The following B3GALT1 variants were observed in gnomAD, a reference collection of about 807,000 sequenced individuals.
The protein encoded by B3GALT1 is beta-1,3-galactosyltransferase 1.
Under a neutral mutation model 23.2 loss-of-function variants are expected in B3GALT1, and 10 were observed. The observed-to-expected ratio is 0.43, with a 90% CI of 0.27 to 0.73. The LOEUF is 0.73. B3GALT1 is among the 30% of genes least tolerant of loss of function. The pLI is 0.21. For missense variants in B3GALT1, 299 were observed against 405.4 expected (o/e 0.74, Z 2.25); for synonymous variants, 156 against 141.5 (o/e 1.10, Z -0.73).
At chr2:167,461,726 GATT>G (rs1699262016) in intron 1 of B3GALT1, among the ~76,000 whole-genome samples, 1 of 151,832 alleles carries the variant, frequency 6.6e-6, no homozygotes, top group South Asian at 2.1e-4. Flanking sequence ...TTTCTATTTG[GATT>G]ATTTACACCA....
chr2:167,725,433 G>T (rs1377963977), intron 3 of B3GALT1, among the ~76,000 whole-genome samples: 2 of 152,120 alleles, frequency 1.3e-5, no homozygotes, highest in African/African-American at 4.8e-5. Context: ...AATAAATGTT[G>T]CATCTCTGGA....
In B3GALT1 at chr2:167,817,904, C is replaced by G. The variant is rs111829546; in HGVS notation, c.-351-768C>G. 4.2e-3 allele frequency among the ~76,000 whole-genome samples: 633 copies of G among 152,300 alleles called. 9 individuals carry two copies. Among genetic ancestry groups the G allele is most frequent in the African/African-American group, 0.014 (597 of 41,566 alleles). On this transcript the variant is annotated intron_variant, in intron 3 of 4. Coordinates refer to ENST00000392690, the MANE Select transcript of B3GALT1 (RefSeq NM_020981.4). ...GTTATTTAAACAAACAGGTCTGGAT[C>G]AGATTCAGCCAGTGGCAGAGTGGTC... is the stretch of plus-strand genomic sequence containing the variant.
intron 3 of B3GALT1, among the ~76,000 whole-genome samples, chr2:167,809,081 A>C (rs1442658069): frequency 1.3e-5 from 2 of 152,150 alleles, no homozygotes; most frequent in Non-Finnish European, 2.9e-5. Context: ...CGAATCAGCT[A>C]CTGAGGCTTG....
intron 3 of B3GALT1, among the ~76,000 whole-genome samples, chr2:167,681,186 T>C (rs1374769693): frequency 1.3e-5 from 2 of 152,114 alleles, no homozygotes; most frequent in Admixed American, 1.3e-4. Context: ...CCACATGATA[T>C]AGAAATATTA....
intron 3 of B3GALT1, chr2:167,715,986 G>A (rs1339372200): frequency 2.5e-6 from 4 of 1,612,130 alleles, no homozygotes; most frequent in African/African-American, 2.7e-5. Flanking sequence ...CATACTCTCA[G>A]GTAGTGCTGC....
chr2:167,349,425 G>GCCCCAACGT (rs1697276750), intron 1 of B3GALT1, among the ~76,000 whole-genome samples: 1 of 152,054 alleles, frequency 6.6e-6, no homozygotes, highest in African/African-American at 2.4e-5. Flanking sequence ...TAGTGATGCT[G>GCCCCAACGT]GCAATTCGGA....
rs577650935 is a variant in B3GALT1 at position 167,704,009 on chromosome 2, G to A, written c.-352+57043G>A. On this transcript the variant is annotated intron_variant, in intron 3 of 4. Coordinates refer to ENST00000392690, the MANE Select transcript of B3GALT1 (RefSeq NM_020981.4). Reference sequence around the variant, plus strand: ...TTCCTGGCTAACACGGTGAAACCCCGTCTCTACTAAAAATACAAAAAATTA... The same window carrying A: ...TTCCTGGCTAACACGGTGAAACCCCATCTCTACTAAAAATACAAAAAATTA... Among the ~76,000 whole-genome samples, 806 of 151,882 alleles carry A rather than the reference G, an allele frequency of 5.3e-3. 4 individuals are homozygous for A. The highest frequency in any genetic ancestry group is 0.014 in the African/African-American group (584 of 41,432).
intron 3 of B3GALT1, among the ~76,000 whole-genome samples, chr2:167,818,433 G>A (rs927972782): frequency 6.6e-6 from 1 of 152,128 alleles, no homozygotes; most frequent in Non-Finnish European, 1.5e-5. Context: ...ACCTGCATGG[G>A]CTTGAAGGCA....
At chr2:167,563,947 C>CGA (rs1553467949) in intron 2 of B3GALT1, among the ~76,000 whole-genome samples, 1 of 121,564 alleles carries the variant, frequency 8.2e-6, no homozygotes, top group African/African-American at 3.4e-5. Flanking sequence ...GCTGGCCAGG[C>CGA]GGGGCCGACC....
intron 2 of B3GALT1, among the ~76,000 whole-genome samples, chr2:167,559,125 G>A (rs541186953): frequency 3.3e-5 from 5 of 152,274 alleles, no homozygotes; most frequent in East Asian, 1.9e-4. Context: ...CCAGAGGAAC[G>A]ATCAGACAGC....
At chr2:167,566,527 G>T (rs1479698285) in intron 2 of B3GALT1, among the ~76,000 whole-genome samples, 1 of 146,982 alleles carries the variant, frequency 6.8e-6, no homozygotes, top group African/African-American at 2.6e-5. Context: ...AGAATAAAAA[G>T]AAAAATTAGC....
chr2:167,671,752 G>A (rs1686329262), intron 3 of B3GALT1, among the ~76,000 whole-genome samples: 1 of 151,532 alleles, frequency 6.6e-6, no homozygotes, highest in Admixed American at 6.6e-5. Context: ...AATAGACTTA[G>A]CACAAAGTAA....
chr2:167,824,781 G>A (rs546941526), intron 4 of B3GALT1, among the ~76,000 whole-genome samples: 15 of 152,286 alleles, frequency 9.8e-5, no homozygotes, highest in African/African-American at 3.6e-4. Context: ...GATACAGAGA[G>A]GTACATTTCA....
chr2:167,791,727 C>T (rs770499427), intron 3 of B3GALT1, among the ~76,000 whole-genome samples: 2 of 152,050 alleles, frequency 1.3e-5, no homozygotes, highest in Non-Finnish European at 2.9e-5. Context: ...TGCTATATTC[C>T]TATGAGCATT....
intron 2 of B3GALT1, among the ~76,000 whole-genome samples, chr2:167,620,003 A>T (rs1202712316): frequency 2.0e-5 from 3 of 152,148 alleles, no homozygotes; most frequent in Admixed American, 6.6e-5. Context: ...AGAGGATCTT[A>T]TGAAGGATAT....
At chr2:167,743,621 T>C (rs941733476) in intron 3 of B3GALT1, among the ~76,000 whole-genome samples, 1 of 152,126 alleles carries the variant, frequency 6.6e-6, no homozygotes, top group African/African-American at 2.4e-5. Flanking sequence ...GGTAATAATA[T>C]GTTTCTCTTT....
intron 3 of B3GALT1, among the ~76,000 whole-genome samples, chr2:167,793,643 A>G (rs60124405): frequency 0.026 from 3,885 of 152,296 alleles, 122 homozygotes; most frequent in South Asian, 0.068. Context: ...CTCAATATAA[A>G]TAACCCACAT....
At chr2:167,579,729 G>A (rs1263200503) in intron 2 of B3GALT1, among the ~76,000 whole-genome samples, 3 of 152,022 alleles carry the variant, frequency 2.0e-5, no homozygotes, top group Admixed American at 2.0e-4. Flanking sequence ...TCATCTTATA[G>A]TGTTTACCTC....
At chr2:167,333,317 A>G (rs1173350207) in intron 1 of B3GALT1, among the ~76,000 whole-genome samples, 1 of 152,200 alleles carries the variant, frequency 6.6e-6, no homozygotes, top group Non-Finnish European at 1.5e-5. Flanking sequence ...AGCCCAAAAG[A>G]CAACAACTGG....
Sources: gnomAD v4.1 joint callset for allele counts (sites outside exome capture counted in the v4.1 genomes callset) on GRCh38, gnomAD v4.1.1 for gene constraint, MANE v1.5 for transcripts, NCBI Gene and HGNC (gene_info 2026-07-23, HGNC 2026-07-21) for gene names.